SLC25A30: variants seen among roughly 807,000 people sequenced by gnomAD.
SLC25A30 encodes solute carrier family 25 member 30, also known as kidney mitochondrial carrier protein 1.
A neutral mutation model predicts 42.7 loss-of-function variants in SLC25A30; 29 were observed. The ratio of observed to expected loss-of-function variants is 0.68; its 90% CI spans 0.51 to 0.93. The LOEUF is 0.93. Ranked by LOEUF, SLC25A30 falls within the 40% of genes least tolerant of loss-of-function variation. The probability of loss-of-function intolerance (pLI) is 0.00; values close to 1 mark genes in which losing one functional copy is unlikely to be tolerated. For missense variants in SLC25A30, 300 were observed against 359.7 expected (o/e 0.83, Z 1.34); for synonymous variants, 124 against 131.0 (o/e 0.95, Z 0.37).
At chr13:45,398,409 A>G (rs1050069715) in intron 8 of SLC25A30, 1 of 152,128 alleles carries the variant, frequency 6.6e-6, no homozygotes, top group African/African-American at 2.4e-5. Flanking sequence ...GCATGTGCCT[A>G]TGTAACACAC....
rs555941488 is a variant in SLC25A30, at chr13:45,416,051, G to A, written c.-56+2249C>T. Among the ~76,000 whole-genome samples, 135 of 150,158 alleles carry A rather than the reference G, an allele frequency of 9.0e-4. 2 individuals carry two copies. Among genetic ancestry groups the A allele is most frequent in the African/African-American group, 2.9e-3 (121 of 41,098 alleles). On this transcript the variant is annotated intron_variant, in intron 1 of 9. Transcript: ENST00000519676. Reference sequence around the variant, plus strand: ...CTGACCTTGTGATCTGCCTGCCTCCGACTCCCAAAGTGCTGGGATTATAGG... The same window carrying A: ...CTGACCTTGTGATCTGCCTGCCTCCAACTCCCAAAGTGCTGGGATTATAGG...
chr13:45,428,903 T>C, the SLC25A30 span, among the ~76,000 whole-genome samples: 1 of 151,830 alleles, frequency 6.6e-6, no homozygotes, highest in Non-Finnish European at 1.5e-5. Context: ...GGATTAAGAA[T>C]AATGATAACT....
upstream of SLC25A30, chr13:45,420,453 A>T (rs1883864842): frequency 6.6e-6 from 1 of 152,334 alleles, no homozygotes; most frequent in Admixed American, 6.5e-5. Flanking sequence ...TTTCTAGGGC[A>T]GGGAAATAAG....
upstream of SLC25A30, among the ~76,000 whole-genome samples, chr13:45,418,940 CAAAAAAAAAAAAAAAAAAAAAAAA>C (rs1168457204): frequency 0.029 from 427 of 14,840 alleles, 6 homozygotes; most frequent in African/African-American, 0.077. Context: ...GACTTCGTCT[CAAAAAAAAAAAAAAAAAAAAAAAA>C]AAAAAAAAAA....
chr13:45,425,381 T>C, the SLC25A30 span, among the ~76,000 whole-genome samples: 1 of 111,458 alleles, frequency 9.0e-6, no homozygotes, highest in African/African-American at 3.6e-5. Context: ...AATATATAAG[T>C]ATATATGAAA....
intron 3 of SLC25A30, among the ~76,000 whole-genome samples, chr13:45,406,682 T>A (rs1429525711): frequency 6.6e-6 from 1 of 152,144 alleles, no homozygotes; most frequent in Non-Finnish European, 1.5e-5. Context: ...AAAACTCCCC[T>A]CTTCAAGGTG....
the SLC25A30 span, among the ~76,000 whole-genome samples, chr13:45,429,348 C>T: frequency 3.4e-4 from 51 of 152,098 alleles, no homozygotes; most frequent in Admixed American, 3.9e-4. Context: ...GGATTACAGG[C>T]ATGAGCCACC....
the SLC25A30 span, among the ~76,000 whole-genome samples, chr13:45,425,538 GTA>G: frequency 5.4e-3 from 254 of 46,934 alleles, 32 homozygotes; most frequent in African/African-American, 0.02. Flanking sequence ...ATATGTATAA[GTA>G]TATATATATA....
At chr13:45,423,801 T>A in the SLC25A30 span, among the ~76,000 whole-genome samples, 1 of 52,416 alleles carries the variant, frequency 1.9e-5, no homozygotes, top group African/African-American at 7.3e-5. Context: ...TAAATATATA[T>A]TTATATATAT....
At chr13:45,396,234 T>C in intron 9 of SLC25A30, 1 of 1,416,684 alleles carries the variant, frequency 7.1e-7, no homozygotes, top group Admixed American at 2.8e-5. Context: ...GTAAATCCCC[T>C]GGTATCAGCC....
intron 3 of SLC25A30, among the ~76,000 whole-genome samples, chr13:45,406,497 G>C (rs7998179): frequency 0.56 from 85,547 of 152,060 alleles, 24,963 homozygotes; most frequent in African/African-American, 0.69. Flanking sequence ...TGTAAGTGAA[G>C]AAGTTCAAGA....
chr13:45,424,109 A>T, the SLC25A30 span, among the ~76,000 whole-genome samples: 54 of 57,438 alleles, frequency 9.4e-4, no homozygotes, highest in South Asian at 9.2e-3. Flanking sequence ...ATATAAAAAT[A>T]TATATAAATA....
At chr13:45,424,538 TATATAA>T in the SLC25A30 span, among the ~76,000 whole-genome samples, 74 of 57,186 alleles carry the variant, frequency 1.3e-3, 5 homozygotes, top group Non-Finnish European at 1.5e-3. Flanking sequence ...TATATATAAA[TATATAA>T]ATATATAAAT....
At chr13:45,412,705 C>A (rs191886333) in intron 1 of SLC25A30, among the ~76,000 whole-genome samples, 1 of 152,218 alleles carries the variant, frequency 6.6e-6, no homozygotes, top group African/African-American at 2.4e-5. Context: ...AAGACACTCA[C>A]AAATATTGCC....
At chr13:45,420,571 T>C (rs923306936), upstream of SLC25A30, among the ~76,000 whole-genome samples, 2 of 152,186 alleles carry the variant, frequency 1.3e-5, no homozygotes, top group Non-Finnish European at 1.5e-5. Context: ...TGTAGAGCTT[T>C]TGGACACCCA....
At chr13:45,406,224 G>A (rs551268948) in intron 3 of SLC25A30, among the ~76,000 whole-genome samples, 3 of 151,882 alleles carry the variant, frequency 2.0e-5, no homozygotes, top group African/African-American at 4.8e-5. Context: ...CTGGGAATAC[G>A]GGCACCCGCC....
intron 1 of SLC25A30, among the ~76,000 whole-genome samples, chr13:45,416,322 T>G (rs900791150): frequency 6.6e-6 from 1 of 151,740 alleles, no homozygotes; most frequent in Non-Finnish European, 1.5e-5. Context: ...GCAAGAGAAC[T>G]GCCTGAACCT....
Sources: gnomAD v4.1 joint callset for allele counts (sites outside exome capture counted in the v4.1 genomes callset) on GRCh38, gnomAD v4.1.1 for gene constraint, MANE v1.5 for transcripts, NCBI Gene and HGNC (gene_info 2026-07-23, HGNC 2026-07-21) for gene names.